WDR37: variants seen among roughly 807,000 people sequenced by gnomAD.
WDR37 encodes WD repeat domain 37.
WDR37 carries 19 observed loss-of-function variants against 62.9 expected under a neutral mutation model. The ratio of observed to expected loss-of-function variants is 0.30; its 90% CI spans 0.21 to 0.44. The LOEUF (loss-of-function observed/expected upper bound fraction) is 0.44. WDR37 is among the 20% of genes least tolerant of loss of function. WDR37 has a pLI of 1.00. For synonymous variants in WDR37, 250 were observed against 260.9 expected (o/e 0.96, Z 0.40); for missense variants, 474 against 657.6 (o/e 0.72, Z 3.05).
chr10:1,087,167 C>T (rs1455896601), intron 7 of WDR37, among the ~76,000 whole-genome samples: 1 of 152,254 alleles, frequency 6.6e-6, no homozygotes, highest in Non-Finnish European at 1.5e-5. Context: ...CTTTCTTGCC[C>T]TGGACATTTC....
intron 2 of WDR37, among the ~76,000 whole-genome samples, chr10:1,077,094 G>T: frequency 6.6e-6 from 1 of 152,158 alleles, no homozygotes; most frequent in Admixed American, 6.5e-5. Flanking sequence ...GGGAGTAGGG[G>T]ACACATACCA....
At chr10:1,060,352 CTAAA>C (rs889413836) in intron 1 of WDR37, among the ~76,000 whole-genome samples, 6 of 152,146 alleles carry the variant, frequency 3.9e-5, no homozygotes, top group African/African-American at 9.7e-5. Flanking sequence ...ACTGGACAGA[CTAAA>C]TGAGTCAGGA....
At chr10:1,097,900 G>T (rs981681235) in intron 9 of WDR37, among the ~76,000 whole-genome samples, 2 of 152,212 alleles carry the variant, frequency 1.3e-5, no homozygotes, top group Non-Finnish European at 2.9e-5. Flanking sequence ...CTGGAGGGGA[G>T]CTCAGCTTCA....
intron 6 of WDR37, among the ~76,000 whole-genome samples, chr10:1,085,241 G>A (rs982921985): frequency 1.3e-5 from 2 of 152,118 alleles, no homozygotes; most frequent in East Asian, 3.9e-4. Flanking sequence ...CAAAGTGTTG[G>A]GATTACAGGC....
At chr10:1,084,151 G>T (rs117832581) in intron 5 of WDR37, among the ~76,000 whole-genome samples, 1 of 152,194 alleles carries the variant, frequency 6.6e-6, no homozygotes, top group Non-Finnish European at 1.5e-5. Flanking sequence ...ATGCCTGGCT[G>T]TCAGACTGAG....
rs147803324 is a variant in WDR37, at chr10:1,079,404, G to A, written c.236-607G>A. On this transcript the variant is annotated intron_variant, in intron 3 of 13. Transcript: ENST00000263150. Reference sequence around the variant, plus strand: ...CCAGCCCAGAATAATGTTTTTAATCGTGCAGAATCAATCACTATGGAAACT... The same window carrying A: ...CCAGCCCAGAATAATGTTTTTAATCATGCAGAATCAATCACTATGGAAACT... 3.7e-4 allele frequency among the ~76,000 whole-genome samples: 56 copies of A among 150,700 alleles called. No individual in the cohort carries two copies. The South Asian group carries it at 9.1e-3, about 25-fold the overall frequency.
chr10:1,122,349 C>T (rs995626357), intron 11 of WDR37, among the ~76,000 whole-genome samples: 1 of 152,148 alleles, frequency 6.6e-6, no homozygotes, highest in African/African-American at 2.4e-5. Context: ...GGTTTTGAGC[C>T]CCTGTACAGA....
chr10:1,117,146 C>T (rs1017086341), intron 11 of WDR37, among the ~76,000 whole-genome samples: 21 of 152,138 alleles, frequency 1.4e-4, no homozygotes, highest in African/African-American at 5.1e-4. Context: ...TCTCGACTTC[C>T]TGGGCTCAAG....
intron 13 of WDR37, among the ~76,000 whole-genome samples, chr10:1,128,498 A>C (rs1329521073): frequency 6.6e-6 from 1 of 152,212 alleles, no homozygotes; most frequent in African/African-American, 2.4e-5. Flanking sequence ...CCATTTATTT[A>C]TCCTTGTTTT....
chr10:1,116,628 C>T (rs1748754008), intron 11 of WDR37, among the ~76,000 whole-genome samples: 1 of 152,184 alleles, frequency 6.6e-6, no homozygotes, highest in Non-Finnish European at 1.5e-5. Context: ...AAAACCCAGG[C>T]TAGGGTCACT....
intron 11 of WDR37, among the ~76,000 whole-genome samples, chr10:1,117,548 A>G (rs1449431197): frequency 2.0e-5 from 3 of 152,214 alleles, no homozygotes. Flanking sequence ...TCGGCCTGTC[A>G]GATTCTGTCA....
chr10:1,124,682 GTGTGTGTGTGTA>G (rs1230182003), intron 12 of WDR37, among the ~76,000 whole-genome samples: 1 of 141,530 alleles, frequency 7.1e-6, no homozygotes, highest in Non-Finnish European at 1.5e-5. Flanking sequence ...GTGTGTGTGT[GTGTGTGTGTGTA>G]TTGTGTGTAT....
At chr10:1,095,431 A>C (rs554643738) in intron 8 of WDR37, among the ~76,000 whole-genome samples, 135 of 151,514 alleles carry the variant, frequency 8.9e-4, no homozygotes, top group African/African-American at 3.1e-3. Flanking sequence ...GAGAGAGGAG[A>C]GTTAGACTGG....
intron 7 of WDR37, among the ~76,000 whole-genome samples, chr10:1,088,002 T>C (rs1258242641): frequency 1.3e-5 from 2 of 152,228 alleles, no homozygotes; most frequent in East Asian, 1.9e-4. Flanking sequence ...GCACTTGCTG[T>C]TTCACCTTGT....
chr10:1,069,387 A>AT (rs1368989652), intron 1 of WDR37, among the ~76,000 whole-genome samples: 4 of 30,444 alleles, frequency 1.3e-4, no homozygotes, highest in Non-Finnish European at 1.8e-4. Flanking sequence ...ATATATATAT[A>AT]TATTTTTTTT....
chr10:1,114,477 T>G (rs1564511419), intron 11 of WDR37, among the ~76,000 whole-genome samples: 1 of 152,182 alleles, frequency 6.6e-6, no homozygotes, highest in Non-Finnish European at 1.5e-5. Context: ...ACTGTTAGTG[T>G]TTTTTAGTGG....
In WDR37 at chr10:1,117,740, G is replaced by A. The variant is rs546747234; in HGVS notation, c.1104-6478G>A. The stretch of plus-strand genomic sequence containing the variant: ...ATGGGGAGGGGTGGCTGCCTAAAGC[G>A]TCAGCTGACGTTTGGAAAAGATGGT... On this transcript the variant is annotated intron_variant, in intron 11 of 13. Transcript: ENST00000263150. 5.9e-5 allele frequency among the ~76,000 whole-genome samples: 9 copies of A among 152,342 alleles called. No homozygotes were observed. In the South Asian group the frequency reaches 1.0e-3, roughly 18 times the overall value.
At chr10:1,100,626 G>C (rs886752289) in intron 9 of WDR37, among the ~76,000 whole-genome samples, 2 of 152,210 alleles carry the variant, frequency 1.3e-5, no homozygotes, top group African/African-American at 4.8e-5. Context: ...ATAAGGAAGC[G>C]TTTGGGTGGC....
chr10:1,105,241 G>T lies in WDR37; in HGVS notation c.1077G>T (p.Ser359=), dbSNP rs748076334. 6.2e-7 allele frequency: 1 copy of T among 1,614,000 alleles called. No homozygotes were observed. Among genetic ancestry groups the T allele is most frequent in the Non-Finnish European group, 8.5e-7 (1 of 1,180,002 alleles). ...LWDFRDPSIH[S]VNVFQGHTDT... ...ATTTCAGGGACCCCTCCATCCACTC[G>T]GTGAATGTTTTCCAGGGACACACGG... The change falls in exon 11 of 14, where the codon TCG becomes TCT. Residue 359 remains serine, a synonymous_variant. Coordinates refer to ENST00000263150, the MANE Select transcript of WDR37 (RefSeq NM_014023.4). This position sits in a 1 kb window ranked among gnomAD's most constrained non-coding sequence, Gnocchi z 5.3.
Sources: allele counts gnomAD v4.1 joint callset (sites outside exome capture counted in the v4.1 genomes callset), GRCh38; gene constraint gnomAD v4.1.1; non-coding constraint Gnocchi (gnomAD v3.1); transcripts MANE v1.5; gene names NCBI Gene and HGNC (gene_info 2026-07-23, HGNC 2026-07-21).